The following MRTFA variants were observed in gnomAD, a reference collection of about 807,000 sequenced individuals.
MRTFA encodes the protein myocardin-related transcription factor A.
In MRTFA, 20 loss-of-function variants were observed where a neutral mutation model predicts 83.5. The ratio of observed to expected loss-of-function variants is 0.24; its 90% CI spans 0.17 to 0.35. MRTFA has a LOEUF of 0.35. Ranked by LOEUF, MRTFA falls within the 10% of genes least tolerant of loss-of-function variation. The pLI is 1.00. For synonymous variants in MRTFA, 659 were observed against 541.2 expected (o/e 1.22, Z -3.02); for missense variants, 1,200 against 1,224.7 (o/e 0.98, Z 0.30).
At chr22:40,628,573 G>A (rs1366173738) in intron 1 of MRTFA, among the ~76,000 whole-genome samples, 1 of 151,426 alleles carries the variant, frequency 6.6e-6, no homozygotes, top group African/African-American at 2.4e-5. Flanking sequence ...TTTACACAGA[G>A]AATGATTTCT....
intron 2 of MRTFA, among the ~76,000 whole-genome samples, chr22:40,559,561 C>A (rs1202121287): frequency 6.6e-6 from 1 of 152,018 alleles, no homozygotes; most frequent in Non-Finnish European, 1.5e-5. Flanking sequence ...TGTGTGCCAA[C>A]ACACCTGACT....
chr22:40,411,749 G>A lies in MRTFA; in HGVS notation c.2737C>T (p.Arg913Cys), dbSNP rs575546439. 8.0e-5 allele frequency: 123 copies of A among 1,546,662 alleles called. No homozygotes were observed. Among genetic ancestry groups the A allele is most frequent in the East Asian group, 5.2e-4 (23 of 43,906 alleles). Residue 913 changes from arginine (R) to cysteine (C), a missense_variant, in exon 15 of 15, where the codon CGC becomes TGC. This residue lies in a region of MRTFA where 1,107 missense variants were observed against 1,041.8 expected (regional missense o/e 1.06). Transcript: ENST00000355630. Reference sequence around the variant, plus strand: ...CTGCTCTCCAGGAAGTCCTCCAGGCGTCCAGGGAGGGAGGGTGAGCCTGGA... The same window carrying A: ...CTGCTCTCCAGGAAGTCCTCCAGGCATCCAGGGAGGGAGGGTGAGCCTGGA...
intron 3 of MRTFA, among the ~76,000 whole-genome samples, chr22:40,514,018 G>A (rs554513266): frequency 1.2e-4 from 19 of 152,170 alleles, no homozygotes; most frequent in East Asian, 3.9e-4. Flanking sequence ...TTGGGAGGCC[G>A]AGGCAGGCAG....
intron 2 of MRTFA, chr22:40,587,057 T>C (rs144184515): frequency 3.6e-4 from 167 of 468,168 alleles, no homozygotes; most frequent in African/African-American, 3.1e-3. Context: ...TTTTCAGGTT[T>C]TCCAGGAGGT....
intron 7 of MRTFA, among the ~76,000 whole-genome samples, chr22:40,425,187 G>A (rs562265014): frequency 3.3e-5 from 5 of 152,372 alleles, no homozygotes; most frequent in Admixed American, 1.3e-4. Flanking sequence ...GGAGGAGGGC[G>A]TAGCACAGAG....
intron 3 of MRTFA, among the ~76,000 whole-genome samples, chr22:40,541,511 C>T (rs779303975): frequency 7.9e-5 from 12 of 152,170 alleles, no homozygotes; most frequent in Non-Finnish European, 1.5e-4. Context: ...AGGCAAGTTG[C>T]TACAGGTCCT....
chr22:40,591,120 C>T (rs1268217623), intron 2 of MRTFA, among the ~76,000 whole-genome samples: 2 of 151,926 alleles, frequency 1.3e-5, no homozygotes, highest in Non-Finnish European at 2.9e-5. Context: ...GGCGACAGAG[C>T]GAGACTCCGT....
intron 9 of MRTFA, among the ~76,000 whole-genome samples, chr22:40,422,959 G>A (rs1312446650): frequency 1.3e-5 from 2 of 152,206 alleles, no homozygotes; most frequent in African/African-American, 2.4e-5. Context: ...GGGTCCCCGA[G>A]ATCCTGGTGA....
At chr22:40,504,624 C>G (rs1248266423) in intron 3 of MRTFA, among the ~76,000 whole-genome samples, 1 of 152,094 alleles carries the variant, frequency 6.6e-6, no homozygotes, top group East Asian at 1.9e-4. Context: ...AAACTTCACC[C>G]ACACAAATGT....
intron 3 of MRTFA, among the ~76,000 whole-genome samples, chr22:40,469,054 T>C (rs56113210): frequency 0.038 from 5,853 of 152,298 alleles, 317 homozygotes; most frequent in African/African-American, 0.12. Flanking sequence ...TTTAATAAAT[T>C]GCATGGTGCT....
chr22:40,465,217 T>C (rs1366800673), intron 3 of MRTFA, among the ~76,000 whole-genome samples: 2 of 152,212 alleles, frequency 1.3e-5, no homozygotes, highest in East Asian at 1.9e-4. Context: ...TTGAACATCT[T>C]ACTTCTCCTA....
intron 3 of MRTFA, among the ~76,000 whole-genome samples, chr22:40,483,541 CG>C (rs2054126275): frequency 6.6e-6 from 1 of 151,212 alleles, no homozygotes; most frequent in African/African-American, 2.4e-5. Flanking sequence ...AAAAAGTAGC[CG>C]GGTGTGGTGG....
intron 2 of MRTFA, among the ~76,000 whole-genome samples, chr22:40,590,781 C>T (rs1424435775): frequency 6.6e-6 from 1 of 151,816 alleles, no homozygotes; most frequent in African/African-American, 2.4e-5. Flanking sequence ...TCCAAATCAG[C>T]TAATACCTAG....
chr22:40,613,234 C>A (rs1224270070), intron 1 of MRTFA, among the ~76,000 whole-genome samples: 3 of 152,162 alleles, frequency 2.0e-5, no homozygotes, highest in Non-Finnish European at 4.4e-5. Context: ...TTTATCCATT[C>A]ACCTGTTGAT....
At chr22:40,448,151 A>C (rs1413243827) in intron 4 of MRTFA, among the ~76,000 whole-genome samples, 1 of 152,180 alleles carries the variant, frequency 6.6e-6, no homozygotes, top group Non-Finnish European at 1.5e-5. Flanking sequence ...CTCTACTAAA[A>C]ATACAAAAAT....
chr22:40,481,566 C>T (rs752513288), intron 3 of MRTFA, among the ~76,000 whole-genome samples: 3 of 152,086 alleles, frequency 2.0e-5, no homozygotes, highest in South Asian at 2.1e-4. Flanking sequence ...AACAAGAGAA[C>T]AGAGAGTGAC....
At chr22:40,594,918 A>T (rs1274866164) in intron 1 of MRTFA, among the ~76,000 whole-genome samples, 183 bp from the exon 2 acceptor site, 1 of 150,884 alleles carries the variant, frequency 6.6e-6, no homozygotes, top group East Asian at 1.9e-4. Flanking sequence ...GGCCCATGTA[A>T]GTGGAGTTAA....
chr22:40,585,136 G>T lies in MRTFA; in HGVS notation c.-22+9538C>A, dbSNP rs114597439. On this transcript the variant is annotated intron_variant, in intron 2 of 14. Coordinates refer to ENST00000355630, the MANE Select transcript of MRTFA (RefSeq NM_020831.6). ...GTCCAGAGAAGTCATCACTTCTGCCGATCTGAAGGGAAGAGGAAACAAGGC... is the reference window on the plus strand; with the variant it reads ...GTCCAGAGAAGTCATCACTTCTGCCTATCTGAAGGGAAGAGGAAACAAGGC... 4.4e-3 allele frequency among the ~76,000 whole-genome samples: 670 copies of T among 152,292 alleles called. 6 individuals carry two copies. Among genetic ancestry groups the T allele is most frequent in the African/African-American group, 0.016 (645 of 41,556 alleles).
chr22:40,546,157 CT>C (rs1209446485), intron 3 of MRTFA, among the ~76,000 whole-genome samples: 1 of 152,244 alleles, frequency 6.6e-6, no homozygotes, highest in Non-Finnish European at 1.5e-5. Flanking sequence ...AGAATTTATT[CT>C]GTTCTAGAAC....
Sources: allele counts gnomAD v4.1 joint callset (sites outside exome capture counted in the v4.1 genomes callset), GRCh38; gene constraint gnomAD v4.1.1; regional missense constraint gnomAD v4.1.1; transcripts MANE v1.5; gene names NCBI Gene and HGNC (gene_info 2026-07-23, HGNC 2026-07-21).